The following POLN variants were observed in gnomAD, a reference collection of about 807,000 sequenced individuals.
POLN encodes DNA polymerase N.
In POLN, 108 loss-of-function variants were observed where a neutral mutation model predicts 113.5. That is an observed-to-expected ratio of 0.95 (90% CI 0.81 to 1.12). The LOEUF is 1.12. POLN is among the 50% of genes most tolerant of loss of function. The pLI, the probability that POLN is intolerant of heterozygous loss-of-function variation, is 0.00. For synonymous variants in POLN, 386 were observed against 391.5 expected (o/e 0.99, Z 0.17); for missense variants, 1,097 against 1,077.1 (o/e 1.02, Z -0.26).
intron 3 of POLN, chr4:2,228,348 C>CTTTTT: frequency 1.2e-4 from 23 of 187,968 alleles, no homozygotes; most frequent in South Asian, 3.3e-4. Context: ...ACTGCTTTCA[C>CTTTTT]TTTTTTTTTT....
intron 13 of POLN, among the ~76,000 whole-genome samples, chr4:2,167,369 C>T (rs919928523): frequency 1.3e-5 from 2 of 152,118 alleles, no homozygotes; most frequent in South Asian, 2.1e-4. Flanking sequence ...TCCTTCAGTT[C>T]GTTAGGGAGG....
chr4:2,189,638 CAAACAAA>C (rs1208274308), intron 7 of POLN, among the ~76,000 whole-genome samples: 2 of 140,498 alleles, frequency 1.4e-5, no homozygotes, highest in African/African-American at 5.7e-5. Context: ...GACTCCATCT[CAAACAAA>C]AAAAAAAGAA....
At chr4:2,104,042 G>A (rs1285042594) in intron 19 of POLN, among the ~76,000 whole-genome samples, 2 of 152,154 alleles carry the variant, frequency 1.3e-5, no homozygotes, top group Non-Finnish European at 2.9e-5. Flanking sequence ...AAACTCACTG[G>A]TAAAGCAATC....
chr4:2,093,190 GA>G lies in POLN; in HGVS notation c.2065+2660del, dbSNP rs1290750743. On this transcript the variant is annotated intron_variant, in intron 20 of 25. Coordinates refer to ENST00000511885, the MANE Select transcript of POLN (RefSeq NM_181808.4). This position sits in a 1 kb window ranked among gnomAD's most constrained non-coding sequence, Gnocchi z 4.1. ...GTAGGTGGGGGCATCCATCCTGCTG[GA>G]GGACAGCTGCCCCACGGCAGGTGCT... 6.6e-6 allele frequency among the ~76,000 whole-genome samples: 1 copy of G among 152,136 alleles called. No individual in the cohort carries two copies. The highest frequency in any genetic ancestry group is 1.5e-5 in the Non-Finnish European group (1 of 68,028).
chr4:2,210,649 A>G (rs1031339315), intron 4 of POLN, among the ~76,000 whole-genome samples: 3 of 148,290 alleles, frequency 2.0e-5, no homozygotes, highest in Admixed American at 6.7e-5. Context: ...GAGGCCGGGC[A>G]TGGTGGCTCA....
chr4:2,120,510 T>G (rs943575755), intron 19 of POLN, among the ~76,000 whole-genome samples: 1 of 152,188 alleles, frequency 6.6e-6, no homozygotes, highest in Non-Finnish European at 1.5e-5. Context: ...TTTTTTTTTT[T>G]TGAGACAGAG....
chr4:2,160,730 C>A (rs1490940617), intron 13 of POLN, among the ~76,000 whole-genome samples: 4 of 152,118 alleles, frequency 2.6e-5, no homozygotes, highest in African/African-American at 9.7e-5. Flanking sequence ...TTAATGATGT[C>A]TTTTCATAAT....
intron 13 of POLN, among the ~76,000 whole-genome samples, chr4:2,169,161 G>A (rs1054390371): frequency 6.6e-6 from 1 of 152,202 alleles, no homozygotes; most frequent in African/African-American, 2.4e-5. Flanking sequence ...GGGGAGAGAG[G>A]AGGTGCCGGG....
chr4:2,100,586 G>A (rs538392818), intron 19 of POLN, among the ~76,000 whole-genome samples: 1 of 152,268 alleles, frequency 6.6e-6, no homozygotes, highest in Admixed American at 6.5e-5. Context: ...TTAAGGTATC[G>A]GGAGGACTGG....
Position 2,079,841 on chromosome 4 carries a change from T to A in POLN, c.2387+1117A>T, listed in dbSNP as rs1295044318. 5.1e-6 allele frequency: 5 copies of A among 982,046 alleles called. No individual in the cohort carries two copies. The South Asian group carries it at 1.4e-4, about 28-fold the overall frequency. 60.8% of individuals were successfully genotyped at this position (982,046 alleles called of 1,614,324 possible). ...CTCAGGTGATCCACCCGTCTCGGCC[T>A]CCCAAAGTGCTGGGATTACAGGCGT... is the stretch of plus-strand genomic sequence containing the variant. On this transcript the variant is annotated intron_variant, in intron 23 of 25. Transcript: ENST00000511885.
At chr4:2,233,363 C>T (rs1418131632) in intron 2 of POLN, among the ~76,000 whole-genome samples, 1 of 152,024 alleles carries the variant, frequency 6.6e-6, no homozygotes, top group Non-Finnish European at 1.5e-5. Context: ...TCACATTGAG[C>T]TAGGGAAAAA....
intron 13 of POLN, among the ~76,000 whole-genome samples, chr4:2,162,994 C>G (rs1015896182): frequency 1.1e-5 from 1 of 94,704 alleles, no homozygotes; most frequent in East Asian, 3.3e-4. Flanking sequence ...AGTATTTCCA[C>G]AGAAATCTGA....
Position 2,156,793 on chromosome 4 carries a change from G to T in POLN, c.1726C>A (p.His576Asn). Residue 576 changes from histidine (H) to asparagine (N), a missense_variant, in exon 16 of 26, where the codon CAT becomes AAT. Transcript: ENST00000511885. The part of the protein sequence containing the change: ...GTVTGRLSAK[H>N]PNIQGISKHP... ...CAGTTGTTTAAACAACTTACAGGAT[G>T]CTTGGCTGAAAGTCTTCCAGTCACA... 6.2e-7 allele frequency: 1 copy of T among 1,611,240 alleles called. No homozygotes were observed. The highest frequency in any genetic ancestry group is 8.5e-7 in the Non-Finnish European group (1 of 1,177,312).
At chr4:2,197,799 G>C (rs771015456) in intron 6 of POLN, among the ~76,000 whole-genome samples, 1 of 152,192 alleles carries the variant, frequency 6.6e-6, no homozygotes, top group Non-Finnish European at 1.5e-5. Flanking sequence ...GGCTAGTAAC[G>C]GGGCCCAACT....
At chr4:2,089,840 G>A (rs12639894) in intron 20 of POLN, 3 of 878,146 alleles carry the variant, frequency 3.4e-6, no homozygotes, top group African/African-American at 1.7e-5. Context: ...TCAGCATCTA[G>A]GTTCTTTGAA....
At position 2,159,167 on chromosome 4, in the gene POLN, C is replaced by T. The variant is rs10488836; in HGVS notation, c.1599G>A (p.Leu533=). The T allele has an allele frequency of 0.079, 126,350 of 1,606,408 alleles. 8,341 individuals are homozygous for T. The highest frequency in any genetic ancestry group is 0.32 in the East Asian group (14,240 of 44,734). Residue 533 remains leucine, a synonymous_variant, in exon 14 of 26, where the codon TTG becomes TTA. Transcript: ENST00000511885. ...RDLHPLPKII[L]EYRQVHKIKS... Reference sequence around the variant, plus strand: ...AAAATTAACTTACCTGCCTGTATTCCAAAATTATCTTGGGTAATGGATGAA... The same window carrying T: ...AAAATTAACTTACCTGCCTGTATTCTAAAATTATCTTGGGTAATGGATGAA...
intron 2 of POLN, chr4:2,230,687 A>G (rs1734549463): frequency 6.6e-6 from 1 of 151,918 alleles, no homozygotes; most frequent in South Asian, 2.1e-4. Flanking sequence ...TTCCATAAAG[A>G]CCACCCAAAA....
chr4:2,081,570 C>T (rs548190386), intron 22 of POLN, 63 bp downstream of exon 22: 2 of 1,518,142 alleles, frequency 1.3e-6, no homozygotes, highest in African/African-American at 2.7e-5. Flanking sequence ...CCACCCAGCC[C>T]TGCGGCTGCT....
intron 13 of POLN, among the ~76,000 whole-genome samples, chr4:2,159,993 A>G (rs768112074): frequency 2.0e-5 from 3 of 152,242 alleles, no homozygotes; most frequent in Non-Finnish European, 4.4e-5. Flanking sequence ...ACATACATGA[A>G]GAAGGGTGAA....
Sources: allele counts gnomAD v4.1 joint callset (sites outside exome capture counted in the v4.1 genomes callset), GRCh38; gene constraint gnomAD v4.1.1; non-coding constraint Gnocchi (gnomAD v3.1); transcripts MANE v1.5; gene names NCBI Gene and HGNC (gene_info 2026-07-23, HGNC 2026-07-21).